The following SCAF4 variants were observed in gnomAD, a reference collection of about 807,000 sequenced individuals.
The protein encoded by SCAF4 is SR-related and CTD-associated factor 4.
A neutral mutation model predicts 129.8 loss-of-function variants in SCAF4; 25 were observed. The observed-to-expected ratio is 0.19, with a 90% CI of 0.14 to 0.27. SCAF4 has a LOEUF of 0.27. Ranked by LOEUF, SCAF4 falls within the 10% of genes least tolerant of loss-of-function variation. The pLI, the probability that SCAF4 is intolerant of heterozygous loss-of-function variation, is 1.00. For synonymous variants in SCAF4, 551 were observed against 497.7 expected, an observed-to-expected ratio of 1.11 and a Z score of -1.43; for missense variants, 1,246 against 1,457.1, an observed-to-expected ratio of 0.86 and a Z score of 2.36.
chr21:31,705,392 CTAAAA>C, intron 3 of SCAF4, 26 bp downstream of exon 3: 1 of 979,642 alleles, frequency 1.0e-6, no homozygotes, highest in East Asian at 2.7e-5. Flanking sequence ...CATATTGTAA[CTAAAA>C]TGAGGTTATA....
chr21:31,710,099 T>C (rs1253395380), intron 1 of SCAF4, among the ~76,000 whole-genome samples: 1 of 151,994 alleles, frequency 6.6e-6, no homozygotes, highest in Non-Finnish European at 1.5e-5. Flanking sequence ...GGGATAACAA[T>C]GAAACATACT....
intron 5 of SCAF4, 114 bp from the exon 6 acceptor site, chr21:31,702,032 G>A (rs2050545419): frequency 7.4e-7 from 1 of 1,359,150 alleles, no homozygotes; most frequent in Non-Finnish European, 1.0e-6. Context: ...ATAAAATATA[G>A]AGATTGTGGC....
chr21:31,702,386 C>T lies in SCAF4; in HGVS notation c.322-7G>A, dbSNP rs372507143. 11 of 1,611,324 alleles carry T rather than the reference C, an allele frequency of 6.8e-6. No homozygotes were observed. Among genetic ancestry groups the T allele is most frequent in the Admixed American group, 5.0e-5 (3 of 59,508 alleles). On this transcript the variant is annotated splice_region_variant and splice_polypyrimidine_tract_variant and intron_variant, in intron 4 of 19. Transcript: ENST00000286835. ...GCACACGAACTATTTTACTCTGTTA[C>T]GCATGAGAAACACAAATATACAATA...
At position 31,700,825 on chromosome 21, in the gene SCAF4, C is replaced by CAGGG. The variant is rs2050511071; in HGVS notation, c.777+169_777+170insCCCT. ...GGAAATTTTTGCACTGAGCACATAT[C>CAGGG]ACATTTAAAACCAGGGAAAATAATC... On this transcript the variant is annotated intron_variant, in intron 7 of 19. Coordinates refer to ENST00000286835, the MANE Select transcript of SCAF4 (RefSeq NM_020706.2). 12 of 742,724 alleles carry CAGGG rather than the reference C, an allele frequency of 1.6e-5. No individual in the cohort carries two copies. The East Asian group carries it at 3.7e-4, about 23-fold the overall frequency. 46.0% of individuals were successfully genotyped at this position (742,724 alleles called of 1,614,324 possible).
chr21:31,715,488 T>A (rs1399288417), intron 1 of SCAF4, among the ~76,000 whole-genome samples: 1 of 152,202 alleles, frequency 6.6e-6, no homozygotes, highest in Non-Finnish European at 1.5e-5. Flanking sequence ...CTAAAAAAAA[T>A]AGGGCTTAAT....
intron 19 of SCAF4, 32 bp from the exon 20 acceptor site, chr21:31,672,386 C>T (rs752345878): frequency 7.2e-6 from 11 of 1,519,070 alleles, no homozygotes; most frequent in African/African-American, 1.4e-5. Context: ...AATGTAAACA[C>T]CACCGAAGAT....
intron 1 of SCAF4, among the ~76,000 whole-genome samples, chr21:31,717,912 C>T (rs34028601): frequency 0.066 from 6,609 of 99,934 alleles, 430 homozygotes; most frequent in African/African-American, 0.17. Context: ...TATACACACA[C>T]ACACACACAC....
chr21:31,686,012 G>A (rs2050113285), intron 16 of SCAF4, among the ~76,000 whole-genome samples: 3 of 151,868 alleles, frequency 2.0e-5, no homozygotes, highest in Admixed American at 2.0e-4. Flanking sequence ...AGACCAGCCT[G>A]GTCAACATGG....
At chr21:31,704,183 C>A (rs1601235962) in intron 3 of SCAF4, among the ~76,000 whole-genome samples, 1 of 152,148 alleles carries the variant, frequency 6.6e-6, no homozygotes, top group South Asian at 2.1e-4. Context: ...CACCCAATGT[C>A]CCAAAATCGA....
rs557252425 is a variant in SCAF4 at position 31,708,388 on chromosome 21, AAAAAG to A, written c.31-2036_31-2032del. ...GAGCGAGACTCTGTCTTTAAAAAAA[AAAAAG>A]AAAAGAAAAGAAAAGAAAAAGAAAT... On this transcript the variant is annotated intron_variant, in intron 1 of 19. Transcript: ENST00000286835. 6.8e-3 allele frequency among the ~76,000 whole-genome samples: 1,036 copies of A among 152,098 alleles called. 11 individuals carry two copies. The highest frequency in any genetic ancestry group is 0.022 in the African/African-American group (919 of 41,486).
intron 19 of SCAF4, among the ~76,000 whole-genome samples, chr21:31,672,556 T>C (rs1178256983): frequency 6.6e-6 from 1 of 152,180 alleles, no homozygotes; most frequent in Non-Finnish European, 1.5e-5. Context: ...AAGTATCTAA[T>C]ACAGGTAGAG....
chr21:31,723,609 G>GTTTTGTGTGTGTGTGTGTGTGTGT (rs112184778), intron 1 of SCAF4, among the ~76,000 whole-genome samples: 58 of 146,112 alleles, frequency 4.0e-4, no homozygotes, highest in African/African-American at 1.3e-3. Flanking sequence ...TGATTTATAT[G>GTTTTGTGTGTGTGTGTGTGTGTGT]ATGTGTGTGT....
rs998753837 is a variant in SCAF4 at position 31,705,311 on chromosome 21, A to G, written c.159+112T>C. 5 of 531,918 alleles carry G rather than the reference A, an allele frequency of 9.4e-6. No individual in the cohort carries two copies. In the African/African-American group the frequency reaches 1.0e-4, roughly 11 times the overall value. The allele number at this position is 531,918 out of a possible 1,614,324, so 32.9% of individuals were successfully genotyped here. ...CTTCTAGTGATTAAAAAGAACCTCT[A>G]GTGACTAAATTTTTATGAAGTGGTT... On this transcript the variant is annotated intron_variant, in intron 3 of 19. Transcript: ENST00000286835.
At chr21:31,685,818 G>GA (rs1179483313) in intron 16 of SCAF4, 85 bp from the exon 17 acceptor site, 11 of 1,277,670 alleles carry the variant, frequency 8.6e-6, no homozygotes, top group Admixed American at 5.4e-5. Flanking sequence ...GCAAACTGTT[G>GA]AAAAAATAGA....
At chr21:31,686,217 GAA>G (rs78764330) in intron 16 of SCAF4, among the ~76,000 whole-genome samples, 2 of 88,892 alleles carry the variant, frequency 2.2e-5, no homozygotes, top group African/African-American at 8.6e-5. Flanking sequence ...AAAAAAAAAA[GAA>G]AAAAAAAAAA....
intron 16 of SCAF4, among the ~76,000 whole-genome samples, chr21:31,686,203 C>CAAAAA: frequency 1.3e-5 from 1 of 75,894 alleles, no homozygotes; most frequent in South Asian, 4.0e-4. Flanking sequence ...ACTTGGTCTT[C>CAAAAA]AAAAAAAAAA....
At chr21:31,725,581 C>T (rs974188038) in intron 1 of SCAF4, among the ~76,000 whole-genome samples, 2 of 152,180 alleles carry the variant, frequency 1.3e-5, no homozygotes, top group Non-Finnish European at 2.9e-5. Flanking sequence ...TATATGCATA[C>T]CACCTCAGCA....
chr21:31,677,496 C>G (rs1166095317), intron 19 of SCAF4, among the ~76,000 whole-genome samples: 2 of 152,214 alleles, frequency 1.3e-5, no homozygotes, highest in South Asian at 2.1e-4. Context: ...CAGTCTCTCA[C>G]AACCCTATGT....
intron 16 of SCAF4, among the ~76,000 whole-genome samples, chr21:31,686,702 C>T (rs142089915): frequency 6.6e-6 from 1 of 152,282 alleles, no homozygotes; most frequent in Non-Finnish European, 1.5e-5. Context: ...CAAGCACCAC[C>T]TCCTGAGCTC....
Sources: gnomAD v4.1 joint callset for allele counts (sites outside exome capture counted in the v4.1 genomes callset) on GRCh38, gnomAD v4.1.1 for gene constraint, MANE v1.5 for transcripts, NCBI Gene and HGNC (gene_info 2026-07-23, HGNC 2026-07-21) for gene names.